Variants in AACS observed in about 807,000 individuals in gnomAD.
AACS encodes the protein acetoacetate-CoA ligase.
AACS carries 69 observed loss-of-function variants against 83.1 expected under a neutral mutation model. The ratio of observed to expected loss-of-function variants is 0.83; its 90% CI spans 0.68 to 1.01. The LOEUF is 1.01. AACS is among the 50% of genes least tolerant of loss of function. The probability of loss-of-function intolerance (pLI) is 0.00; values close to 1 mark genes in which losing one functional copy is unlikely to be tolerated. For synonymous variants in AACS, 333 were observed against 343.4 expected (o/e 0.97, Z 0.33); for missense variants, 866 against 882.2 (o/e 0.98, Z 0.23).
chr12:125,078,816 G>A (rs1039435641), intron 3 of AACS, among the ~76,000 whole-genome samples: 22 of 71,736 alleles, frequency 3.1e-4, no homozygotes, highest in Non-Finnish European at 3.9e-4. Context: ...GCAAGACTCC[G>A]TCTCAAAAAA....
intron 7 of AACS, 141 bp from the exon 8 acceptor site, chr12:125,106,980 T>C: frequency 1.6e-6 from 2 of 1,229,542 alleles, no homozygotes; most frequent in South Asian, 2.9e-5. Context: ...TCCCAGGAAG[T>C]TTCCAAATCT....
intron 17 of AACS, chr12:125,139,742 TG>T (rs1957452952): frequency 6.6e-6 from 1 of 152,294 alleles, no homozygotes; most frequent in African/African-American, 2.4e-5. Context: ...GTGTTTACCA[TG>T]GGGGTGCTGA....
At chr12:125,091,394 A>G (rs377326364) in intron 4 of AACS, 32 bp from the exon 5 acceptor site, 4 of 1,610,754 alleles carry the variant, frequency 2.5e-6, no homozygotes, top group Non-Finnish European at 3.4e-6. Flanking sequence ...TACACCCTGA[A>G]CCCAAGGCTT....
intron 7 of AACS, among the ~76,000 whole-genome samples, chr12:125,106,730 A>T (rs903385235): frequency 1.3e-5 from 2 of 152,210 alleles, no homozygotes; most frequent in Non-Finnish European, 2.9e-5. Flanking sequence ...AACAAAGGAC[A>T]TGGGCTCAGA....
rs1384098606 is a variant in AACS, at chr12:125,073,939, G to A, written c.197G>A (p.Trp66Ter). ...ESYSDFWAEFWKFSGIVFSRV... is the reference protein window; with the variant it reads ...ESYSDFWAEF ...TATTCAGACTTCTGGGCAGAGTTCT[G>A]GAAATTCAGTGGAATTGTCTTCTCA... The change falls in exon 2 of 18, where the codon TGG (tryptophan) becomes TAG (stop). Residue 66 changes from tryptophan (W) to a stop codon, truncating the protein, a stop_gained. Coordinates refer to ENST00000316519, the MANE Select transcript of AACS (RefSeq NM_023928.5). LOFTEE classifies it high-confidence loss of function. 1.2e-6 allele frequency: 2 copies of A among 1,613,968 alleles called. No individual in the cohort carries two copies. The highest frequency in any genetic ancestry group is 1.7e-6 in the Non-Finnish European group (2 of 1,180,006).
chr12:125,136,972 G>T (rs1476456585), intron 17 of AACS, 108 bp downstream of exon 17: 4 of 1,178,396 alleles, frequency 3.4e-6, no homozygotes, highest in Non-Finnish European at 4.8e-6. Flanking sequence ...TATATCGTTT[G>T]TCCACGTTGC....
intron 5 of AACS, chr12:125,102,209 C>A (rs750309004): frequency 2.6e-4 from 42 of 159,144 alleles, no homozygotes; most frequent in Non-Finnish European, 5.7e-4. Flanking sequence ...TGCCACCATG[C>A]CTGGCTAATT....
intron 17 of AACS, chr12:125,138,847 G>T (rs1286847159): frequency 6.6e-6 from 1 of 152,208 alleles, no homozygotes; most frequent in Non-Finnish European, 1.5e-5. Flanking sequence ...TGCTGAGCTA[G>T]GGAGGGGTCC....
At position 125,142,076 on chromosome 12, in the gene AACS, T is replaced by A; in HGVS notation, c.1882-16T>A. On this transcript the variant is annotated splice_polypyrimidine_tract_variant and intron_variant, in intron 17 of 17. Transcript: ENST00000316519. Reference sequence around the variant, plus strand: ...TCAGGTTTAAATGTTCCTGTTTTTCTACCTTTCCCTCGCAGTATACGCTCA... The same window carrying A: ...TCAGGTTTAAATGTTCCTGTTTTTCAACCTTTCCCTCGCAGTATACGCTCA... 1.9e-6 allele frequency: 3 copies of A among 1,613,850 alleles called. No homozygotes were observed. The highest frequency in any genetic ancestry group is 2.5e-6 in the Non-Finnish European group (3 of 1,179,958).
rs948808928 is a variant in AACS, at chr12:125,133,793, C to T, written c.1550-210C>T. On this transcript the variant is annotated intron_variant, in intron 14 of 17. Transcript: ENST00000316519. ...CCTGAGGAGCTGCGTTCCTCCTCGCCGGCGGTGTCAGAGCTGCCCGGGCAG... is the reference window on the plus strand; with the variant it reads ...CCTGAGGAGCTGCGTTCCTCCTCGCTGGCGGTGTCAGAGCTGCCCGGGCAG... 3.9e-5 allele frequency among the ~76,000 whole-genome samples: 6 copies of T among 152,204 alleles called. 1 individual carries two copies. The East Asian group carries it at 5.8e-4, about 15-fold the overall frequency.
intron 3 of AACS, chr12:125,078,374 A>G (rs1182700122): frequency 4.4e-6 from 2 of 454,520 alleles, no homozygotes; most frequent in East Asian, 1.4e-4. Flanking sequence ...GGGGCTGGTC[A>G]GTGTTCCATT....
intron 9 of AACS, among the ~76,000 whole-genome samples, chr12:125,116,802 T>A (rs1957060745): frequency 6.6e-6 from 1 of 152,108 alleles, no homozygotes; most frequent in Non-Finnish European, 1.5e-5. Flanking sequence ...TGGTGGCAGT[T>A]GTTTCATGTC....
intron 3 of AACS, among the ~76,000 whole-genome samples, chr12:125,081,874 A>G (rs562741100): frequency 8.6e-5 from 13 of 151,914 alleles, no homozygotes; most frequent in South Asian, 4.2e-4. Flanking sequence ...GGAAAAAAAA[A>G]ACGAGTTTTT....
At chr12:125,101,255 G>A (rs1565938255) in intron 5 of AACS, 1 of 152,236 alleles carries the variant, frequency 6.6e-6, no homozygotes, top group African/African-American at 2.4e-5. Flanking sequence ...CTAACACTCA[G>A]GGAGTGTCAG....
At chr12:125,066,281 C>G (rs1405771292) in intron 1 of AACS, among the ~76,000 whole-genome samples, 1 of 151,772 alleles carries the variant, frequency 6.6e-6, no homozygotes, top group Non-Finnish European at 1.5e-5. Context: ...AAAAGACTCT[C>G]TTTCCACCCA....
Position 125,129,579 on chromosome 12 carries a change from C to A in AACS, c.1549+119C>A. On this transcript the variant is annotated intron_variant, in intron 14 of 17. Transcript: ENST00000316519. This position sits in a 1 kb window ranked among gnomAD's most constrained non-coding sequence, Gnocchi z 4.3. ...CTTCCCCCACCAGGGCTTGGAGAAG[C>A]TGCTTATAGTTCATTCCGCCAGTGG... is the stretch of plus-strand genomic sequence containing the variant. The A allele has an allele frequency of 7.5e-7, 1 of 1,326,266 alleles. No individual in the cohort carries two copies. The highest frequency in any genetic ancestry group is 1.0e-6 in the Non-Finnish European group (1 of 971,974). 82.2% of individuals were successfully genotyped at this position (1,326,266 alleles called of 1,614,324 possible). A position where few individuals can be genotyped will look rare whatever the true frequency, so the allele number is the denominator to read the frequency against.
intron 5 of AACS, among the ~76,000 whole-genome samples, chr12:125,093,175 A>G (rs1173802579): frequency 1.3e-5 from 2 of 152,228 alleles, no homozygotes; most frequent in African/African-American, 4.8e-5. Flanking sequence ...AATTATGACT[A>G]ACCTTTTGTA....
chr12:125,065,824 C>A, intron 1 of AACS, 107 bp downstream of exon 1: 1 of 1,375,642 alleles, frequency 7.3e-7, no homozygotes. Context: ...GCTGGAGGAG[C>A]CACTTGATGG....
chr12:125,081,822 A>G (rs1028456119), intron 3 of AACS, among the ~76,000 whole-genome samples: 3 of 151,980 alleles, frequency 2.0e-5, no homozygotes, highest in Non-Finnish European at 4.4e-5. Context: ...CAGGGCAGCA[A>G]GGAGAGGATG....
Sources: allele counts gnomAD v4.1 joint callset (sites outside exome capture counted in the v4.1 genomes callset), GRCh38; gene constraint gnomAD v4.1.1; non-coding constraint Gnocchi (gnomAD v3.1); transcripts MANE v1.5; gene names NCBI Gene and HGNC (gene_info 2026-07-23, HGNC 2026-07-21).